CSMD2: variants seen among roughly 807,000 people sequenced by gnomAD.
CSMD2 encodes CUB and sushi domain-containing protein 2.
In CSMD2, 130 loss-of-function variants were observed where a neutral mutation model predicts 398.5. The ratio of observed to expected loss-of-function variants is 0.33; its 90% CI spans 0.28 to 0.38. CSMD2 has a LOEUF of 0.38. Among genes scored for constraint, CSMD2 ranks in the 10% least tolerant of loss-of-function variants. The pLI is 1.00. For synonymous variants in CSMD2, 1,828 were observed against 1,908.5 expected, an observed-to-expected ratio of 0.96 and a Z score of 1.10; for missense variants, 3,829 against 4,764.9, an observed-to-expected ratio of 0.80 and a Z score of 5.78.
intron 3 of CSMD2, among the ~76,000 whole-genome samples, chr1:34,025,911 A>G (rs780176122): frequency 1.3e-5 from 2 of 152,234 alleles, no homozygotes; most frequent in Non-Finnish European, 2.9e-5. Flanking sequence ...TAAGGATTTT[A>G]TGCAAACTCT....
Position 33,605,467 on chromosome 1 carries a change from T to A in CSMD2, c.6347A>T (p.Tyr2116Phe). Residue 2116 changes from tyrosine (Y) to phenylalanine (F), a missense_variant, in exon 42 of 71, where the codon TAT becomes TTT. Around this residue, in one of 5 missense-constraint regions of CSMD2, gnomAD observed 2,001 missense variants for 2,567.1 expected, o/e 0.78. Transcript: ENST00000373381. ...RPGFKLEYQAYELQECPDPEP... is the reference protein window; with the variant it reads ...RPGFKLEYQAFELQECPDPEP... ...TGGGTCTGGGCACTCTTGAAGTTCATAGGCTGGAAAAGATCCGGAGAAAAG... is the reference window on the plus strand; with the variant it reads ...TGGGTCTGGGCACTCTTGAAGTTCAAAGGCTGGAAAAGATCCGGAGAAAAG... 1 of 1,614,094 alleles carries A rather than the reference T, an allele frequency of 6.2e-7. No individual in the cohort carries two copies. Among genetic ancestry groups the A allele is most frequent in the Non-Finnish European group, 8.5e-7 (1 of 1,179,974 alleles).
chr1:33,759,324 C>CTTTCTTT (rs1553196465), intron 13 of CSMD2, among the ~76,000 whole-genome samples: 5 of 124,780 alleles, frequency 4.0e-5, no homozygotes, highest in African/African-American at 1.2e-4. Flanking sequence ...CTTTTTTTTT[C>CTTTCTTT]TTTTTTTTTT....
intron 4 of CSMD2, 97 bp downstream of exon 4, chr1:33,935,663 G>A (rs1049920996): frequency 1.0e-5 from 13 of 1,283,360 alleles, no homozygotes; most frequent in Non-Finnish European, 6.4e-6. Flanking sequence ...CCCTGCTGGG[G>A]TGTAGCTTTG....
intron 48 of CSMD2, among the ~76,000 whole-genome samples, chr1:33,579,177 T>C (rs1029420736): frequency 2.2e-4 from 34 of 152,188 alleles, no homozygotes; most frequent in African/African-American, 2.4e-5. Flanking sequence ...AACGTTCAGT[T>C]CCTAATTTAG....
At chr1:33,776,738 C>T (rs1296863671) in intron 12 of CSMD2, among the ~76,000 whole-genome samples, 2 of 151,338 alleles carry the variant, frequency 1.3e-5, no homozygotes, top group East Asian at 3.9e-4. Context: ...AGGAGCTGAA[C>T]ATGTTGTTAA....
chr1:33,593,156 A>G (rs971841722), intron 44 of CSMD2, among the ~76,000 whole-genome samples: 1 of 152,204 alleles, frequency 6.6e-6, no homozygotes, highest in African/African-American at 2.4e-5. Context: ...ACTCTGACAC[A>G]TGCTATAACA....
intron 3 of CSMD2, among the ~76,000 whole-genome samples, chr1:34,031,358 C>G (rs999918545): frequency 2.0e-5 from 3 of 151,546 alleles, no homozygotes; most frequent in Non-Finnish European, 4.4e-5. Flanking sequence ...CCACCACACC[C>G]GGCTGAGATC....
intron 7 of CSMD2, among the ~76,000 whole-genome samples, chr1:33,820,762 A>C (rs149236494): frequency 3.0e-4 from 46 of 152,122 alleles, no homozygotes; most frequent in African/African-American, 1.1e-3. Context: ...TGCTTTTGAC[A>C]AATTCCTTTG....
At chr1:34,037,525 A>G (rs2148174163) in intron 2 of CSMD2, among the ~76,000 whole-genome samples, 1 of 152,304 alleles carries the variant, frequency 6.6e-6, no homozygotes, top group Middle Eastern at 3.4e-3. Flanking sequence ...GGCCAGACCT[A>G]TATCTGGTTC....
intron 64 of CSMD2, among the ~76,000 whole-genome samples, chr1:33,528,485 G>T (rs1654977620): frequency 6.6e-6 from 1 of 152,230 alleles, no homozygotes. Flanking sequence ...AGAATGCTGT[G>T]GAGAAAGTTT....
intron 5 of CSMD2, among the ~76,000 whole-genome samples, chr1:33,859,068 G>T (rs1639302667): frequency 6.6e-6 from 1 of 152,214 alleles, no homozygotes; most frequent in Non-Finnish European, 1.5e-5. Flanking sequence ...AATGGCAGAA[G>T]AAAAGTTACA....
At chr1:34,155,358 G>A (rs1050237437) in intron 1 of CSMD2, among the ~76,000 whole-genome samples, 2 of 152,116 alleles carry the variant, frequency 1.3e-5, no homozygotes, top group Non-Finnish European at 2.9e-5. Flanking sequence ...AGAGGTTCTC[G>A]AATGCAGGGA....
At chr1:33,579,803 C>T (rs958572856) in intron 48 of CSMD2, among the ~76,000 whole-genome samples, 4 of 152,006 alleles carry the variant, frequency 2.6e-5, no homozygotes, top group Non-Finnish European at 5.9e-5. Flanking sequence ...CTCAGCCTCC[C>T]AAGTAGCTGA....
At chr1:33,564,700 G>C (rs1658890132) in intron 53 of CSMD2, among the ~76,000 whole-genome samples, 1 of 152,094 alleles carries the variant, frequency 6.6e-6, no homozygotes, top group Non-Finnish European at 1.5e-5. Flanking sequence ...ACAATATCTG[G>C]CTTGGGTCTT....
At chr1:33,793,057 A>G (rs2124878663) in intron 10 of CSMD2, among the ~76,000 whole-genome samples, 1 of 152,360 alleles carries the variant, frequency 6.6e-6, no homozygotes. Flanking sequence ...ACAAATATTT[A>G]CTAAGCACTC....
chr1:34,144,272 G>C (rs1639571451), intron 1 of CSMD2, among the ~76,000 whole-genome samples: 1 of 152,142 alleles, frequency 6.6e-6, no homozygotes. Flanking sequence ...TGCAGTGTTA[G>C]GAGAGAACAT....
intron 49 of CSMD2, among the ~76,000 whole-genome samples, chr1:33,573,762 A>T (rs1470761189): frequency 6.6e-6 from 1 of 152,202 alleles, no homozygotes; most frequent in African/African-American, 2.4e-5. Flanking sequence ...CATAGATGAA[A>T]ATTTCTCAGA....
At chr1:33,736,449 C>G (rs1285195272) in intron 15 of CSMD2, among the ~76,000 whole-genome samples, 1 of 151,744 alleles carries the variant, frequency 6.6e-6, no homozygotes, top group African/African-American at 2.4e-5. Context: ...CCACTGCACT[C>G]CAGCCTGGGC....
intron 13 of CSMD2, among the ~76,000 whole-genome samples, chr1:33,746,552 C>T (rs1647411485): frequency 6.6e-6 from 1 of 152,158 alleles, no homozygotes; most frequent in African/African-American, 2.4e-5. Context: ...CCAGGGGCAC[C>T]ATTTTGGAAT....
Sources: gnomAD v4.1 joint callset for allele counts (sites outside exome capture counted in the v4.1 genomes callset) on GRCh38, gnomAD v4.1.1 for gene constraint, gnomAD v4.1.1 regional missense constraint, MANE v1.5 for transcripts, NCBI Gene and HGNC (gene_info 2026-07-23, HGNC 2026-07-21) for gene names.